Variants in FEM1B observed in about 807,000 individuals in gnomAD.
FEM1B encodes fem-1 homolog B.
A neutral mutation model predicts 38.6 loss-of-function variants in FEM1B; 10 were observed. The ratio of observed to expected loss-of-function variants is 0.26; its 90% confidence interval spans 0.16 to 0.44. FEM1B has a LOEUF of 0.44. FEM1B is among the 20% of genes least tolerant of loss of function. FEM1B has a pLI of 1.00. For missense variants in FEM1B, 471 were observed against 786.7 expected, an observed-to-expected ratio of 0.60 and a Z score of 4.80; for synonymous variants, 288 against 288.0, an observed-to-expected ratio of 1.00 and a Z score of 0.00.
In FEM1B at chr15:68,284,512, G is replaced by T. The variant is rs537962085; in HGVS notation, c.249-5095G>T. 6.7e-6 allele frequency among the ~76,000 whole-genome samples: 1 copy of T among 148,492 alleles called. No homozygotes were observed. Among genetic ancestry groups the T allele is most frequent in the Non-Finnish European group, 1.5e-5 (1 of 67,928 alleles). The stretch of plus-strand genomic sequence containing the variant: ...CCTATTTTTGTTTTTAATTATATCT[G>T]TTTTTTTAGTGGAGGTATATCATAT... On this transcript the variant is annotated intron_variant, in intron 1 of 1. Transcript: ENST00000306917. This position sits in a 1 kb window ranked among gnomAD's most constrained non-coding sequence, Gnocchi z 4.4.
rs575667771 is a variant in FEM1B at position 68,289,361 on chromosome 15, G to C, written c.249-246G>C. The stretch of plus-strand genomic sequence containing the variant: ...CTAGTAGAAAGTTCGTGATTTTTCA[G>C]GTTTGTTTTTTAGGGTTATATACTC... On this transcript the variant is annotated intron_variant, in intron 1 of 1. Transcript: ENST00000306917. This position sits in a 1 kb window ranked among gnomAD's most constrained non-coding sequence, Gnocchi z 6.9. 5 of 416,270 alleles carry C rather than the reference G, an allele frequency of 1.2e-5. No individual in the cohort carries two copies. The South Asian group carries it at 2.4e-4, about 20-fold the overall frequency. 25.8% of individuals were successfully genotyped at this position (416,270 alleles called of 1,614,324 possible). A position where few individuals can be genotyped will look rare whatever the true frequency, so the allele number is the denominator to read the frequency against.
intron 1 of FEM1B, among the ~76,000 whole-genome samples, chr15:68,286,753 A>C (rs1403192040): frequency 1.3e-5 from 2 of 152,170 alleles, no homozygotes; most frequent in African/African-American, 4.8e-5. Flanking sequence ...TTTGACAATA[A>C]ATAAATGTTT....
At chr15:68,283,502 TAAAAAAAAAAAA>T (rs60432847) in intron 1 of FEM1B, among the ~76,000 whole-genome samples, 3,889 of 71,970 alleles carry the variant, frequency 0.054, 144 homozygotes, top group African/African-American at 0.16. Context: ...CATCTCTACC[TAAAAAAAAAAAA>T]AAAAAAAAAA....
chr15:68,278,663 C>T lies in FEM1B; in HGVS notation c.246C>T (p.Asp82=), dbSNP rs1165442915. Residue 82 remains aspartate, a splice_region_variant and synonymous_variant, in exon 1 of 2, where the codon GAC becomes GAT. Transcript: ENST00000306917. This position sits in a 1 kb window ranked among gnomAD's most constrained non-coding sequence, Gnocchi z 5.7. ...QTQQTGTVRF[D]GYVIDGATAL... is the part of the protein sequence containing the mutation. ...AGCAGACTGGCACCGTCCGCTTCGA[C>T]GGGTAGGTACATCCCAAGCCAGCCT... The T allele has an allele frequency of 6.2e-7, 1 of 1,613,688 alleles. No individual in the cohort carries two copies. Among genetic ancestry groups the T allele is most frequent in the African/African-American group, 1.3e-5 (1 of 74,920 alleles).
Position 68,290,025 on chromosome 15 carries a change from T to C in FEM1B, c.667T>C (p.Leu223=), listed in dbSNP as rs760922686. The C allele has an allele frequency of 5.0e-6, 8 of 1,614,116 alleles. No homozygotes were observed. In the African/African-American group the frequency reaches 8.0e-5, roughly 16 times the overall value. ...IVVNGHGMTP[L]KVAAESCKAD... is the part of the protein sequence containing the mutation. ...AGTGAATGGCCATGGGATGACGCCA[T>C]TGAAAGTAGCTGCCGAAAGCTGTAA... is the stretch of plus-strand genomic sequence containing the variant. Residue 223 remains leucine (L), a synonymous_variant, in exon 2 of 2, where the codon TTG becomes CTG. Transcript: ENST00000306917. The surrounding 1 kb of genome is among the most constrained non-coding windows in gnomAD (Gnocchi z 9.7).
rs1296585020 is a variant in FEM1B, at chr15:68,280,134, A to T, written c.248+1469A>T. The T allele has an allele frequency of 1.3e-5, 2 of 152,256 alleles. No individual in the cohort carries two copies. Among genetic ancestry groups the T allele is most frequent in the Non-Finnish European group, 2.9e-5 (2 of 68,044 alleles). 9.4% of individuals were successfully genotyped at this position (152,256 alleles called of 1,614,324 possible). On this transcript the variant is annotated intron_variant, in intron 1 of 1. Transcript: ENST00000306917. The surrounding 1 kb of genome is among the most constrained non-coding windows in gnomAD (Gnocchi z 4.2). ...GAATAGTGGGGAGAAAAAAGAGTTA[A>T]GAATTTCGAAAGGTTTTGCTTATTG... is the stretch of plus-strand genomic sequence containing the variant.
rs754920588 is a variant in FEM1B, at chr15:68,278,811, C to T, written c.248+146C>T. 1.1e-6 allele frequency: 1 copy of T among 888,602 alleles called. No homozygotes were observed. The highest frequency in any genetic ancestry group is 1.7e-6 in the Non-Finnish European group (1 of 579,530). The allele number at this position is 888,602 out of a possible 1,614,324, so 55.0% of individuals were successfully genotyped here. ...TACCACCTCCTGCCCCACTAATGCCCACTTCATCTTCCAGGGCTAATAATC... is the reference window on the plus strand; with the variant it reads ...TACCACCTCCTGCCCCACTAATGCCTACTTCATCTTCCAGGGCTAATAATC... On this transcript the variant is annotated intron_variant, in intron 1 of 1. Transcript: ENST00000306917. The surrounding 1 kb of genome is among the most constrained non-coding windows in gnomAD (Gnocchi z 5.7).
chr15:68,284,847 C>T lies in FEM1B; in HGVS notation c.249-4760C>T, dbSNP rs938391848. 1.4e-4 allele frequency among the ~76,000 whole-genome samples: 21 copies of T among 152,176 alleles called. No individual in the cohort carries two copies. The highest frequency in any genetic ancestry group is 4.1e-4 in the African/African-American group (17 of 41,434). On this transcript the variant is annotated intron_variant, in intron 1 of 1. Transcript: ENST00000306917. This position sits in a 1 kb window ranked among gnomAD's most constrained non-coding sequence, Gnocchi z 4.4. ...GCTGTTCTCTTGATAGTAAGTGTCA[C>T]GGGATCTGATGATTGTAAGGGGGAG... is the stretch of plus-strand genomic sequence containing the variant.
rs1892845446 is a variant in FEM1B at position 68,291,345 on chromosome 15, C to T, written c.*103C>T. On this transcript the variant is annotated 3_prime_UTR_variant, in exon 2 of 2. Transcript: ENST00000306917. The surrounding 1 kb of genome is among the most constrained non-coding windows in gnomAD (Gnocchi z 6.9). ...TTCATAAATTCTGCTTTTCTTTCCA[C>T]TACCCTTCCTCCCATCCCATCCTTC... 6 of 828,160 alleles carry T rather than the reference C, an allele frequency of 7.2e-6. No individual in the cohort carries two copies. Among genetic ancestry groups the T allele is most frequent in the East Asian group, 2.6e-5 (1 of 38,060 alleles). 51.3% of individuals were successfully genotyped at this position (828,160 alleles called of 1,614,324 possible).
In FEM1B at chr15:68,290,733, T is replaced by G; in HGVS notation, c.1375T>G (p.Cys459Gly). 6.2e-7 allele frequency: 1 copy of G among 1,614,102 alleles called. No individual in the cohort carries two copies. The highest frequency in any genetic ancestry group is 8.5e-7 in the Non-Finnish European group (1 of 1,179,984). The change falls in exon 2 of 2, where the codon TGC becomes GGC. Residue 459 changes from cysteine (C) to glycine (G), a missense_variant. Cys to Gly is a radical substitution (Grantham distance 159, BLOSUM62 -3). This residue lies in a region of FEM1B where 380 missense variants were observed against 599.6 expected (regional missense o/e 0.63). Coordinates refer to ENST00000306917, the MANE Select transcript of FEM1B (RefSeq NM_015322.5). This position sits in a 1 kb window ranked among gnomAD's most constrained non-coding sequence, Gnocchi z 9.7. ...YLVCISTKTQ[C>G]SEEDQCKINK... ...AGTGTGCATCTCTACCAAAACACAGTGCAGCGAAGAAGATCAGTGCAAAAT... is the reference window on the plus strand; with the variant it reads ...AGTGTGCATCTCTACCAAAACACAGGGCAGCGAAGAAGATCAGTGCAAAAT...
At chr15:68,283,146 C>T (rs1360654922) in intron 1 of FEM1B, among the ~76,000 whole-genome samples, 2 of 152,028 alleles carry the variant, frequency 1.3e-5, no homozygotes, top group Admixed American at 6.5e-5. Flanking sequence ...CAAGTGAATA[C>T]TTGTAATTTA....
rs1231009145 is a variant in FEM1B at position 68,280,183 on chromosome 15, G to A, written c.248+1518G>A. ...TGCCATCTTTTTCAGTCGTCAAAGA[G>A]ATGTTTTGAGGTGGCAATTAAAAGA... On this transcript the variant is annotated intron_variant, in intron 1 of 1. Coordinates refer to ENST00000306917, the MANE Select transcript of FEM1B (RefSeq NM_015322.5). The surrounding 1 kb of genome is among the most constrained non-coding windows in gnomAD (Gnocchi z 4.2). The A allele has an allele frequency of 6.6e-6, 1 of 152,218 alleles. No homozygotes were observed. Among genetic ancestry groups the A allele is most frequent in the Non-Finnish European group, 1.5e-5 (1 of 68,048 alleles). The allele number at this position is 152,218 out of a possible 1,614,324, so 9.4% of individuals were successfully genotyped here.
At position 68,290,446 on chromosome 15, in the gene FEM1B, G is replaced by C. The variant is rs904871533; in HGVS notation, c.1088G>C (p.Cys363Ser). 4 of 1,614,024 alleles carry C rather than the reference G, an allele frequency of 2.5e-6. No individual in the cohort carries two copies. Among genetic ancestry groups the C allele is most frequent in the Non-Finnish European group, 3.4e-6 (4 of 1,180,008 alleles). Reference sequence around the variant, plus strand: ...GCGGATAATATGGAATTTGAGCAGTGTATCAAGTTGTGGCTTCATGCCCTG... The same window carrying C: ...GCGGATAATATGGAATTTGAGCAGTCTATCAAGTTGTGGCTTCATGCCCTG... ...VYADNMEFEQ[C>S]IKLWLHALHL... is the part of the protein sequence containing the mutation. Residue 363 changes from cysteine (C) to serine (S), a missense_variant, in exon 2 of 2, where the codon TGT becomes TCT. This residue lies in a region of FEM1B where 380 missense variants were observed against 599.6 expected (regional missense o/e 0.63). Coordinates refer to ENST00000306917, the MANE Select transcript of FEM1B (RefSeq NM_015322.5). The surrounding 1 kb of genome is among the most constrained non-coding windows in gnomAD (Gnocchi z 9.7).
chr15:68,285,363 A>G (rs1156938314), intron 1 of FEM1B, among the ~76,000 whole-genome samples: 1 of 152,190 alleles, frequency 6.6e-6, no homozygotes, highest in Non-Finnish European at 1.5e-5. Flanking sequence ...GCATTTAGTT[A>G]TCTGGTATAT....
At position 68,290,104 on chromosome 15, in the gene FEM1B, G is replaced by A. The variant is rs747664228; in HGVS notation, c.746G>A (p.Arg249Gln). Reference sequence around the variant, plus strand: ...CATGCTGATTGCGACCGAAGAAGTCGGATTGAAGCTTTGGAACTCTTGGGT... The same window carrying A: ...CATGCTGATTGCGACCGAAGAAGTCAGATTGAAGCTTTGGAACTCTTGGGT... The part of the protein sequence containing the change: ...LSHADCDRRS[R>Q]IEALELLGAS... Residue 249 changes from arginine to glutamine, a missense_variant, in exon 2 of 2, where the codon CGG (arginine) becomes CAG (glutamine). Around this residue, in one of 3 missense-constraint regions of FEM1B, gnomAD observed 380 missense variants for 599.6 expected, o/e 0.63. Coordinates refer to ENST00000306917, the MANE Select transcript of FEM1B (RefSeq NM_015322.5). This position sits in a 1 kb window ranked among gnomAD's most constrained non-coding sequence, Gnocchi z 9.7. 11 of 1,614,132 alleles carry A rather than the reference G, an allele frequency of 6.8e-6. No homozygotes were observed. The highest frequency in any genetic ancestry group is 5.5e-5 in the South Asian group (5 of 91,080).
At position 68,291,399 on chromosome 15, in the gene FEM1B, C is replaced by T; in HGVS notation, c.*157C>T. 3.4e-6 allele frequency: 2 copies of T among 587,960 alleles called. No individual in the cohort carries two copies. Among genetic ancestry groups the T allele is most frequent in the Admixed American group, 3.5e-5 (1 of 28,576 alleles). The allele number at this position is 587,960 out of a possible 1,614,324, so 36.4% of individuals were successfully genotyped here. A position where few individuals can be genotyped will look rare whatever the true frequency, so the allele number is the denominator to read the frequency against. ...AGTTCTGTATTTGTTTTTCTTGCCT[C>T]ATGGTAATTGATTTCAGACAGACTT... On this transcript the variant is annotated 3_prime_UTR_variant, in exon 2 of 2. Transcript: ENST00000306917. The surrounding 1 kb of genome is among the most constrained non-coding windows in gnomAD (Gnocchi z 6.9).
At chr15:68,282,522 A>G (rs1205345318) in intron 1 of FEM1B, among the ~76,000 whole-genome samples, 1 of 152,186 alleles carries the variant, frequency 6.6e-6, no homozygotes. Flanking sequence ...CAGGTAATAG[A>G]TGAGCTCAGC....
chr15:68,278,648 C>T lies in FEM1B; in HGVS notation c.231C>T (p.Gly77=), dbSNP rs1450347865. 5 of 1,613,874 alleles carry T rather than the reference C, an allele frequency of 3.1e-6. No homozygotes were observed. The highest frequency in any genetic ancestry group is 1.3e-5 in the African/African-American group (1 of 74,918). ...EHYRVQTQQT[G]TVRFDGYVID... ...ACCGGGTGCAGACTCAGCAGACTGG[C>T]ACCGTCCGCTTCGACGGGTAGGTAC... The change falls in exon 1 of 2, where the codon GGC becomes GGT. Residue 77 remains glycine (G), a synonymous_variant. Coordinates refer to ENST00000306917, the MANE Select transcript of FEM1B (RefSeq NM_015322.5). The surrounding 1 kb of genome is among the most constrained non-coding windows in gnomAD (Gnocchi z 5.7).
intron 1 of FEM1B, among the ~76,000 whole-genome samples, chr15:68,282,179 G>T (rs1892735997): frequency 6.6e-6 from 1 of 152,172 alleles, no homozygotes; most frequent in South Asian, 2.1e-4. Context: ...AGTTTGTGGA[G>T]ACCACCTGTC....
Sources: gnomAD v4.1 joint callset for allele counts (sites outside exome capture counted in the v4.1 genomes callset) on GRCh38, gnomAD v4.1.1 for gene constraint, gnomAD v4.1.1 regional missense constraint, Gnocchi (gnomAD v3.1) non-coding constraint, MANE v1.5 for transcripts, NCBI Gene and HGNC (gene_info 2026-07-23, HGNC 2026-07-21) for gene names.